LZTFL1: variants seen among roughly 807,000 people sequenced by gnomAD.
LZTFL1 encodes leucine zipper transcription factor-like protein 1.
LZTFL1 carries 25 observed loss-of-function variants against 45.9 expected under a neutral mutation model. That is an observed-to-expected ratio of 0.54 (90% confidence interval 0.40 to 0.76). The LOEUF (loss-of-function observed/expected upper bound fraction) is 0.76. Among genes scored for constraint, LZTFL1 ranks in the 30% least tolerant of loss-of-function variants. LZTFL1 has a pLI of 0.00. For synonymous variants in LZTFL1, 93 were observed against 117.4 expected (o/e 0.79, Z 1.35); for missense variants, 277 against 331.1 (o/e 0.84, Z 1.27).
intron 2 of LZTFL1, among the ~76,000 whole-genome samples, chr3:45,895,392 G>A (rs746969606): frequency 5.3e-5 from 8 of 152,230 alleles, no homozygotes; most frequent in Non-Finnish European, 1.0e-4. Context: ...ACATTCCCCT[G>A]AAAGAGACCA....
At chr3:45,902,036 T>C (rs1702577052) in intron 2 of LZTFL1, 2 of 756,626 alleles carry the variant, frequency 2.6e-6, no homozygotes, top group Admixed American at 3.2e-5. Flanking sequence ...TGATTACTTG[T>C]AGTCAGAATT....
intron 4 of LZTFL1, among the ~76,000 whole-genome samples, chr3:45,853,177 G>T (rs1701332945): frequency 6.6e-6 from 1 of 152,170 alleles, no homozygotes; most frequent in Non-Finnish European, 1.5e-5. Context: ...AGGCATGCTT[G>T]GTTTTGGTAA....
At chr3:45,873,683 A>C (rs1701704487) in intron 2 of LZTFL1, among the ~76,000 whole-genome samples, 1 of 152,040 alleles carries the variant, frequency 6.6e-6, no homozygotes, top group South Asian at 2.1e-4. Context: ...CTCATCTATA[A>C]AGTCCTCTTT....
intron 2 of LZTFL1, among the ~76,000 whole-genome samples, chr3:45,837,160 C>CA (rs1421014361): frequency 1.3e-5 from 2 of 152,132 alleles, no homozygotes; most frequent in Non-Finnish European, 2.9e-5. Flanking sequence ...TAGTCATTCT[C>CA]AAAAAACCAC....
upstream of LZTFL1, among the ~76,000 whole-genome samples, chr3:45,846,927 T>A (rs1397297669): frequency 1.3e-5 from 2 of 152,174 alleles, no homozygotes; most frequent in Non-Finnish European, 2.9e-5. Context: ...GCCATTTGCA[T>A]GTTTCAGTGC....
At chr3:45,887,007 C>T (rs1441061816) in intron 2 of LZTFL1, among the ~76,000 whole-genome samples, 2 of 152,010 alleles carry the variant, frequency 1.3e-5, no homozygotes, top group Non-Finnish European at 2.9e-5. Context: ...GAGACACTGC[C>T]CCATGGAAAG....
chr3:45,897,622 AG>A, intron 2 of LZTFL1: 1 of 1,534,950 alleles, frequency 6.5e-7, no homozygotes. Flanking sequence ...ATCTCCTTCC[AG>A]GACCTTAGCC....
In LZTFL1 at chr3:45,898,742, A is replaced by G. The variant is rs560344034; in HGVS notation, c.-215+14378T>C. Among the ~76,000 whole-genome samples the G allele has an allele frequency of 2.0e-5, 3 of 152,374 alleles. No individual in the cohort carries two copies. The South Asian group carries it at 6.2e-4, about 32-fold the overall frequency. On this transcript the variant is annotated intron_variant, in intron 2 of 4. Coordinates refer to the LZTFL1 transcript ENST00000472635. Reference sequence around the variant, plus strand: ...ATCAATTCAGTGAGCCCTGATATCTAAGAAGCCCTCCACAAACACACACAC... The same window carrying G: ...ATCAATTCAGTGAGCCCTGATATCTGAGAAGCCCTCCACAAACACACACAC...
At position 45,900,574 on chromosome 3, in the gene LZTFL1, A is replaced by T. The variant is rs907595954; in HGVS notation, c.-215+12546T>A. Among the ~76,000 whole-genome samples, 18 of 152,262 alleles carry T rather than the reference A, an allele frequency of 1.2e-4. No homozygotes were observed. Among genetic ancestry groups the T allele is most frequent in the African/African-American group, 4.3e-4 (18 of 41,550 alleles). Reference sequence around the variant, plus strand: ...GTGAAGCCACACATCTGACTTATTTATTATGGTTTCTTTGGCACATAGCAC... The same window carrying T: ...GTGAAGCCACACATCTGACTTATTTTTTATGGTTTCTTTGGCACATAGCAC... On this transcript the variant is annotated intron_variant, in intron 2 of 4. Coordinates refer to the LZTFL1 transcript ENST00000472635. This position sits in a 1 kb window ranked among gnomAD's most constrained non-coding sequence, Gnocchi z 4.7.
chr3:45,842,150 T>G (rs1212970413), upstream of LZTFL1: 4 of 1,500,030 alleles, frequency 2.7e-6, no homozygotes, highest in Non-Finnish European at 3.6e-6. Context: ...GCACGTGGAC[T>G]GCAATTATGC....
At chr3:45,848,597 T>C (rs1177879587) in intron 4 of LZTFL1, among the ~76,000 whole-genome samples, 2 of 152,234 alleles carry the variant, frequency 1.3e-5, no homozygotes, top group Admixed American at 6.5e-5. Flanking sequence ...CTTGAGCTCA[T>C]TGCACTAGCA....
intron 1 of LZTFL1, among the ~76,000 whole-genome samples, chr3:45,914,504 C>A (rs1702860802): frequency 6.6e-6 from 1 of 152,074 alleles, no homozygotes; most frequent in Admixed American, 6.5e-5. Context: ...GAACTCCTGG[C>A]CTCAAGTGAT....
At chr3:45,892,375 C>A (rs1259344615) in intron 2 of LZTFL1, among the ~76,000 whole-genome samples, 3 of 152,098 alleles carry the variant, frequency 2.0e-5, no homozygotes, top group Non-Finnish European at 4.4e-5. Context: ...GAATACTACA[C>A]AGCCATAAAA....
upstream of LZTFL1, among the ~76,000 whole-genome samples, chr3:45,842,659 T>A (rs1272051690): frequency 6.6e-6 from 1 of 152,254 alleles, no homozygotes; most frequent in East Asian, 1.9e-4. Flanking sequence ...TCTAGCAACA[T>A]TTTTCCATTT....
intron 4 of LZTFL1, among the ~76,000 whole-genome samples, chr3:45,849,933 A>T (rs1465821755): frequency 6.6e-6 from 1 of 152,216 alleles, no homozygotes; most frequent in Non-Finnish European, 1.5e-5. Context: ...TAATGTATGA[A>T]TTTCTATACT....
At chr3:45,839,378 AC>A (rs1273161875) in intron 1 of LZTFL1, among the ~76,000 whole-genome samples, 1 of 152,154 alleles carries the variant, frequency 6.6e-6, no homozygotes, top group Non-Finnish European at 1.5e-5. Context: ...GTGAGCCACC[AC>A]GCCCGGCCCA....
chr3:45,829,773 A>C (rs1700768868), intron 7 of LZTFL1, among the ~76,000 whole-genome samples: 1 of 152,222 alleles, frequency 6.6e-6, no homozygotes, highest in Non-Finnish European at 1.5e-5. Flanking sequence ...ATTGGAGCAA[A>C]GCCCCAAAAA....
intron 2 of LZTFL1, among the ~76,000 whole-genome samples, chr3:45,877,722 T>A (rs59104991): frequency 0.082 from 12,507 of 151,620 alleles, 632 homozygotes; most frequent in East Asian, 0.25. Context: ...TTTTAAAGCA[T>A]AATTTATTTC....
Position 45,823,942 on chromosome 3 carries a change from A to G in LZTFL1, c.*2372T>C, listed in dbSNP as rs1245868044. On this transcript the variant is annotated 3_prime_UTR_variant, in exon 10 of 10. Transcript: ENST00000296135. ...TTTATCAAATAAGATTACACAGTCA[A>G]GGTAGGGCAGTATTTTTCTTATGCT... The G allele has an allele frequency of 6.6e-6, 1 of 152,248 alleles. No homozygotes were observed. The highest frequency in any genetic ancestry group is 2.1e-4 in the South Asian group (1 of 4,834). 9.4% of individuals were successfully genotyped at this position (152,248 alleles called of 1,614,324 possible).
Sources: allele counts gnomAD v4.1 joint callset (sites outside exome capture counted in the v4.1 genomes callset), GRCh38; gene constraint gnomAD v4.1.1; non-coding constraint Gnocchi (gnomAD v3.1); transcripts MANE v1.5; gene names NCBI Gene and HGNC (gene_info 2026-07-23, HGNC 2026-07-21).